Variants in AACS observed in about 807,000 individuals in gnomAD.
AACS encodes acetoacetyl-CoA synthetase.
In AACS, 69 loss-of-function variants were observed where a neutral mutation model predicts 83.1. The ratio of observed to expected loss-of-function variants is 0.83; its 90% CI spans 0.68 to 1.01. The LOEUF (loss-of-function observed/expected upper bound fraction) is 1.01. Among genes scored for constraint, AACS ranks in the 50% least tolerant of loss-of-function variants. The pLI is 0.00. For missense variants in AACS, 866 were observed against 882.2 expected, an observed-to-expected ratio of 0.98 and a Z score of 0.23; for synonymous variants, 333 against 343.4, an observed-to-expected ratio of 0.97 and a Z score of 0.33.
At chr12:125,095,754 C>T (rs1396153908) in intron 5 of AACS, among the ~76,000 whole-genome samples, 1 of 152,210 alleles carries the variant, frequency 6.6e-6, no homozygotes, top group Non-Finnish European at 1.5e-5. Context: ...GCTGCAGTAT[C>T]TTAGCACCCG....
intron 3 of AACS, among the ~76,000 whole-genome samples, chr12:125,081,564 A>T (rs915704200): frequency 6.6e-6 from 1 of 152,094 alleles, no homozygotes; most frequent in Non-Finnish European, 1.5e-5. Flanking sequence ...CATCTCTCCT[A>T]TGGGTAATCC....
At position 125,128,240 on chromosome 12, in the gene AACS, C is replaced by T; in HGVS notation, c.1389C>T (p.Asn463=). Residue 463 remains asparagine, a synonymous_variant, in exon 13 of 18, where the codon AAC becomes AAT. Transcript: ENST00000316519. ...PVYKGEIQAR[N]LGMAVEAWNE... ...ATAAAGGGGAGATTCAGGCCCGGAACCTGGGCATGGCCGTGGAAGCGTGGA... is the reference window on the plus strand; with the variant it reads ...ATAAAGGGGAGATTCAGGCCCGGAATCTGGGCATGGCCGTGGAAGCGTGGA... The T allele has an allele frequency of 6.2e-7, 1 of 1,613,096 alleles. No individual in the cohort carries two copies. Among genetic ancestry groups the T allele is most frequent in the Non-Finnish European group, 8.5e-7 (1 of 1,179,310 alleles).
At chr12:125,092,618 A>C (rs1490617098) in intron 5 of AACS, 2 of 152,262 alleles carry the variant, frequency 1.3e-5, no homozygotes, top group African/African-American at 4.8e-5. Context: ...CACCTTGTAG[A>C]TCTGTACTGT....
At chr12:125,126,218 C>G (rs996466061) in intron 12 of AACS, 1 of 152,158 alleles carries the variant, frequency 6.6e-6, no homozygotes, top group African/African-American at 2.4e-5. Context: ...CCTTGGCCTC[C>G]CGAAATGCTG....
At chr12:125,101,394 T>A (rs576222391) in intron 5 of AACS, 1 of 152,312 alleles carries the variant, frequency 6.6e-6, no homozygotes, top group African/African-American at 2.4e-5. Flanking sequence ...GGTGTGGTGA[T>A]CCTGCCTTTT....
chr12:125,096,342 A>G (rs867077525), intron 5 of AACS, among the ~76,000 whole-genome samples: 3 of 152,226 alleles, frequency 2.0e-5, no homozygotes, highest in South Asian at 2.1e-4. Context: ...TAAATGCTCA[A>G]TATGTTTTAA....
chr12:125,099,831 G>A (rs1039333528), intron 5 of AACS, among the ~76,000 whole-genome samples: 2 of 151,984 alleles, frequency 1.3e-5, no homozygotes, highest in African/African-American at 2.4e-5. Context: ...ATGGGCCACC[G>A]TGTCTGGCTA....
chr12:125,073,178 T>A (rs1955923298), intron 1 of AACS, among the ~76,000 whole-genome samples: 1 of 152,204 alleles, frequency 6.6e-6, no homozygotes, highest in Non-Finnish European at 1.5e-5. Flanking sequence ...TCCACCTGCC[T>A]CGGCCTCCCA....
intron 10 of AACS, among the ~76,000 whole-genome samples, chr12:125,119,329 A>T (rs997444427): frequency 3.9e-5 from 6 of 152,210 alleles, no homozygotes; most frequent in Non-Finnish European, 8.8e-5. Context: ...GGCATTTCCC[A>T]GCAAAAGGAG....
At chr12:125,078,355 G>A (rs1030297927) in intron 3 of AACS, 10 of 455,874 alleles carry the variant, frequency 2.2e-5, no homozygotes, top group East Asian at 6.9e-5. Context: ...ACGTCTCGAC[G>A]TACCATATGG....
At chr12:125,081,329 A>G (rs1956177996) in intron 3 of AACS, among the ~76,000 whole-genome samples, 1 of 152,202 alleles carries the variant, frequency 6.6e-6, no homozygotes, top group Non-Finnish European at 1.5e-5. Flanking sequence ...TCCCTTCCTT[A>G]TAATTGCAGT....
chr12:125,069,120 C>T (rs1051143652), intron 1 of AACS, among the ~76,000 whole-genome samples: 4 of 152,174 alleles, frequency 2.6e-5, no homozygotes, highest in Admixed American at 6.5e-5. Context: ...GGATTACAGG[C>T]GTGAGCCACC....
intron 4 of AACS, among the ~76,000 whole-genome samples, chr12:125,088,485 G>C (rs953002150): frequency 6.6e-6 from 1 of 152,084 alleles, no homozygotes; most frequent in Non-Finnish European, 1.5e-5. Flanking sequence ...CTCCTGCCGT[G>C]GCCTCCTAAA....
chr12:125,084,751 A>T (rs187241061), intron 3 of AACS, among the ~76,000 whole-genome samples: 2 of 151,990 alleles, frequency 1.3e-5, no homozygotes, highest in African/African-American at 2.4e-5. Flanking sequence ...GCTAATTTTT[A>T]AAAATTTTTT....
At chr12:125,089,126 C>T (rs1381741026) in intron 4 of AACS, among the ~76,000 whole-genome samples, 1 of 152,198 alleles carries the variant, frequency 6.6e-6, no homozygotes, top group Non-Finnish European at 1.5e-5. Flanking sequence ...TGCCCTGACC[C>T]TGGGGGTGAC....
intron 8 of AACS, among the ~76,000 whole-genome samples, chr12:125,110,373 A>G (rs778221923): frequency 6.6e-6 from 1 of 152,056 alleles, no homozygotes; most frequent in Non-Finnish European, 1.5e-5. Context: ...GCCCAGCTGA[A>G]TGTAGTGCTT....
intron 2 of AACS, among the ~76,000 whole-genome samples, chr12:125,075,895 G>A (rs1028760991): frequency 1.3e-5 from 2 of 152,172 alleles, no homozygotes; most frequent in Non-Finnish European, 2.9e-5. Context: ...CCTGGCTGGA[G>A]TTTTGTTATT....
At chr12:125,101,657 T>C (rs1281060519) in intron 5 of AACS, 2 of 152,194 alleles carry the variant, frequency 1.3e-5, no homozygotes, top group African/African-American at 2.4e-5. Flanking sequence ...CACTCTATAC[T>C]CTTCATATTT....
intron 5 of AACS, among the ~76,000 whole-genome samples, chr12:125,099,403 A>G (rs1158516241): frequency 6.6e-6 from 1 of 152,074 alleles, no homozygotes; most frequent in Admixed American, 6.6e-5. Context: ...AATTTTGGTA[A>G]TTTTTATTTT....
Sources: gnomAD v4.1 joint callset for allele counts (sites outside exome capture counted in the v4.1 genomes callset) on GRCh38, gnomAD v4.1.1 for gene constraint, MANE v1.5 for transcripts, NCBI Gene and HGNC (gene_info 2026-07-23, HGNC 2026-07-21) for gene names.